Variants in LAPTM5 observed in about 807,000 individuals in gnomAD.
LAPTM5 encodes lysosomal protein transmembrane 5, also known as lysosomal-associated transmembrane protein 5.
In LAPTM5, 11 loss-of-function variants were observed where a neutral mutation model predicts 30.1. The observed-to-expected ratio is 0.37, with a 90% CI of 0.23 to 0.60. The LOEUF (loss-of-function observed/expected upper bound fraction) is 0.60. LAPTM5 is among the 20% of genes least tolerant of loss of function. The pLI, the probability that LAPTM5 is intolerant of heterozygous loss-of-function variation, is 0.71. For synonymous variants in LAPTM5, 151 were observed against 137.9 expected, an observed-to-expected ratio of 1.10 and a Z score of -0.67; for missense variants, 324 against 332.5, an observed-to-expected ratio of 0.97 and a Z score of 0.20.
intron 1 of LAPTM5, 121 bp from the exon 2 acceptor site, chr1:30,742,670 G>A (rs1639988433): frequency 2.7e-6 from 2 of 736,150 alleles, no homozygotes; most frequent in East Asian, 5.4e-5. Flanking sequence ...CAGATGGCAT[G>A]CCAGGTCAGT....
In LAPTM5 at chr1:30,754,250, G is replaced by T. The variant is rs1319147447; in HGVS notation, c.87+3409C>A. ...AGACCCAATTTAAGAAATTTCTCTAGACTGGGCTCGGTGGCTCATGCCTGT... is the reference window on the plus strand; with the variant it reads ...AGACCCAATTTAAGAAATTTCTCTATACTGGGCTCGGTGGCTCATGCCTGT... On this transcript the variant is annotated intron_variant, in intron 1 of 7. Coordinates refer to ENST00000294507, the MANE Select transcript of LAPTM5 (RefSeq NM_006762.3). Among the ~76,000 whole-genome samples, 4 of 152,290 alleles carry T rather than the reference G, an allele frequency of 2.6e-5. No homozygotes were observed. In the South Asian group the frequency reaches 8.3e-4, roughly 32 times the overall value.
At position 30,739,141 on chromosome 1, in the gene LAPTM5, C is replaced by A. The variant is rs1221344880; in HGVS notation, c.388-79G>T. The A allele has an allele frequency of 1.3e-6, 2 of 1,513,982 alleles. No homozygotes were observed. The highest frequency in any genetic ancestry group is 2.5e-5 in the South Asian group (2 of 81,374). The allele number at this position is 1,513,982 out of a possible 1,614,324, so 93.8% of individuals were successfully genotyped here. On this transcript the variant is annotated intron_variant, in intron 4 of 7. Coordinates refer to ENST00000294507, the MANE Select transcript of LAPTM5 (RefSeq NM_006762.3). This position sits in a 1 kb window ranked among gnomAD's most constrained non-coding sequence, Gnocchi z 4.2. ...GTTACTGAGCGGCACATAGTAGGCC[C>A]TCACTTGAGAGACCGTCTCAGCTAC...
chr1:30,738,863 G>A (rs1639926274), intron 5 of LAPTM5, 77 bp downstream of exon 5: 16 of 1,478,182 alleles, frequency 1.1e-5, no homozygotes, highest in Non-Finnish European at 1.3e-5. Context: ...CTAAACCACA[G>A]ACACACAGAG....
chr1:30,752,524 C>T (rs772542944), intron 1 of LAPTM5, among the ~76,000 whole-genome samples: 1 of 152,212 alleles, frequency 6.6e-6, no homozygotes, highest in Non-Finnish European at 1.5e-5. Context: ...CCAGCGTGAC[C>T]TCTTTTCCAA....
rs766132496 is a variant in LAPTM5 at position 30,746,481 on chromosome 1, C to T, written c.88-3932G>A. Among the ~76,000 whole-genome samples, 10 of 152,212 alleles carry T rather than the reference C, an allele frequency of 6.6e-5. No homozygotes were observed. Among genetic ancestry groups the T allele is most frequent in the African/African-American group, 1.4e-4 (6 of 41,452 alleles). ...AGCCCTTGCCTTCCCCTCATGTCCC[C>T]GGTTTCCACCTGGACACAGCGCTGC... is the stretch of plus-strand genomic sequence containing the variant. On this transcript the variant is annotated intron_variant, in intron 1 of 7. Coordinates refer to ENST00000294507, the MANE Select transcript of LAPTM5 (RefSeq NM_006762.3). This position sits in a 1 kb window ranked among gnomAD's most constrained non-coding sequence, Gnocchi z 4.0.
intron 1 of LAPTM5, among the ~76,000 whole-genome samples, chr1:30,745,423 C>T (rs1288746228): frequency 6.6e-6 from 1 of 152,196 alleles, no homozygotes; most frequent in African/African-American, 2.4e-5. Context: ...TCCCCTCTCC[C>T]TCTGCAGTCC....
At chr1:30,745,349 C>G (rs978572579) in intron 1 of LAPTM5, among the ~76,000 whole-genome samples, 3 of 152,226 alleles carry the variant, frequency 2.0e-5, no homozygotes, top group Non-Finnish European at 4.4e-5. Context: ...TCCAGCCACC[C>G]GGGCTCTGCC....
At chr1:30,757,551 G>A in intron 1 of LAPTM5, 108 bp downstream of exon 1, 1 of 1,139,456 alleles carries the variant, frequency 8.8e-7, no homozygotes, top group Non-Finnish European at 1.3e-6. Context: ...CAGAGAGGTG[G>A]AGAGCAGGAG....
At chr1:30,744,200 C>G (rs1640012454) in intron 1 of LAPTM5, among the ~76,000 whole-genome samples, 1 of 152,074 alleles carries the variant, frequency 6.6e-6, no homozygotes, top group African/African-American at 2.4e-5. Context: ...GCTGGAAAGG[C>G]TTTGTCTCAT....
intron 1 of LAPTM5, 43 bp from the exon 2 acceptor site, chr1:30,742,592 G>A (rs367875278): frequency 3.4e-5 from 52 of 1,529,618 alleles, no homozygotes; most frequent in African/African-American, 4.1e-5. Context: ...CCTGCATCAC[G>A]GCCCCCCGAC....
chr1:30,735,282 G>A lies in LAPTM5; in HGVS notation c.607-17C>T. 1 of 1,610,014 alleles carries A rather than the reference G, an allele frequency of 6.2e-7. No homozygotes were observed. Among genetic ancestry groups the A allele is most frequent in the Non-Finnish European group, 8.5e-7 (1 of 1,176,602 alleles). On this transcript the variant is annotated splice_polypyrimidine_tract_variant and intron_variant, in intron 6 of 7. Coordinates refer to ENST00000294507, the MANE Select transcript of LAPTM5 (RefSeq NM_006762.3). ...CATGTAGACCTGGAAAAAGGCCCAGGTCAGGCTGTGCTTTGCTGAGCGTCC... is the reference window on the plus strand; with the variant it reads ...CATGTAGACCTGGAAAAAGGCCCAGATCAGGCTGTGCTTTGCTGAGCGTCC...
intron 1 of LAPTM5, among the ~76,000 whole-genome samples, chr1:30,752,195 C>A (rs1321806415): frequency 6.6e-6 from 1 of 152,244 alleles, no homozygotes; most frequent in African/African-American, 2.4e-5. Flanking sequence ...TCATTCCACA[C>A]ACCTGTGTGC....
At chr1:30,737,949 G>A (rs534673841) in intron 5 of LAPTM5, among the ~76,000 whole-genome samples, 9 of 152,246 alleles carry the variant, frequency 5.9e-5, no homozygotes, top group East Asian at 5.8e-4. Flanking sequence ...CTGGCGCACC[G>A]GCCCATCCCC....
chr1:30,753,986 C>T (rs1017613570), intron 1 of LAPTM5, among the ~76,000 whole-genome samples: 1 of 152,182 alleles, frequency 6.6e-6, no homozygotes, highest in Non-Finnish European at 1.5e-5. Flanking sequence ...TATCCTAGAA[C>T]CCAAATACAT....
chr1:30,752,457 C>A (rs950247503), intron 1 of LAPTM5, among the ~76,000 whole-genome samples: 1 of 152,154 alleles, frequency 6.6e-6, no homozygotes, highest in African/African-American at 2.4e-5. Context: ...CCTGCTAGGT[C>A]TCTGAAGCAC....
chr1:30,735,411 G>A (rs1158882796), intron 6 of LAPTM5, 146 bp from the exon 7 acceptor site: 4 of 678,690 alleles, frequency 5.9e-6, no homozygotes, highest in Admixed American at 2.4e-5. Flanking sequence ...ATTCTGGTTG[G>A]GGGTTCCTCA....
intron 1 of LAPTM5, among the ~76,000 whole-genome samples, chr1:30,750,593 T>C (rs1640120894): frequency 6.6e-6 from 1 of 152,194 alleles, no homozygotes; most frequent in Non-Finnish European, 1.5e-5. Flanking sequence ...TCTTTACACA[T>C]GGGCTCTGTG....
At chr1:30,740,428 C>T (rs1639953410) in intron 3 of LAPTM5, among the ~76,000 whole-genome samples, 1 of 149,834 alleles carries the variant, frequency 6.7e-6, no homozygotes. Context: ...CCCACCACGC[C>T]CCGCATACAA....
intron 2 of LAPTM5, 66 bp from the exon 3 acceptor site, chr1:30,741,782 AC>A: frequency 8.1e-7 from 1 of 1,227,452 alleles, no homozygotes; most frequent in Non-Finnish European, 1.1e-6. Context: ...GGCTCCCAGG[AC>A]CACACTTGGG....
Sources: allele counts gnomAD v4.1 joint callset (sites outside exome capture counted in the v4.1 genomes callset), GRCh38; gene constraint gnomAD v4.1.1; non-coding constraint Gnocchi (gnomAD v3.1); transcripts MANE v1.5; gene names NCBI Gene and HGNC (gene_info 2026-07-23, HGNC 2026-07-21).